NCAPH: variants seen among roughly 807,000 people sequenced by gnomAD.
NCAPH encodes non-SMC condensin I complex subunit H.
NCAPH carries 38 observed loss-of-function variants against 85.5 expected under a neutral mutation model. That is an observed-to-expected ratio of 0.44 (90% CI 0.34 to 0.58). The LOEUF (loss-of-function observed/expected upper bound fraction) is 0.58. Among genes scored for constraint, NCAPH ranks in the 20% least tolerant of loss-of-function variants. The pLI is 0.01. For synonymous variants in NCAPH, 301 were observed against 335.1 expected (o/e 0.90, Z 1.11); for missense variants, 789 against 916.6 (o/e 0.86, Z 1.80).
intron 5 of NCAPH, among the ~76,000 whole-genome samples, 176 bp downstream of exon 5, chr2:96,343,480 T>C (rs1008786213): frequency 2.0e-5 from 3 of 152,324 alleles, no homozygotes; most frequent in South Asian, 4.1e-4. Flanking sequence ...ACTAAAATTA[T>C]ATTTCCTTGA....
In NCAPH at chr2:96,341,996, A is replaced by T. The variant is rs976812304; in HGVS notation, c.273-54A>T. 15 of 1,605,170 alleles carry T rather than the reference A, an allele frequency of 9.3e-6. No homozygotes were observed. The African/African-American group carries it at 2.0e-4, about 22-fold the overall frequency. The stretch of plus-strand genomic sequence containing the variant: ...AACTTCATGGGTCTAGGTTTTGAAA[A>T]TTTAAACTATCATGGATTCTTGCCA... On this transcript the variant is annotated intron_variant, in intron 2 of 17. Transcript: ENST00000240423.
intron 16 of NCAPH, 122 bp from the exon 17 acceptor site, chr2:96,369,303 G>T: frequency 3.3e-6 from 3 of 916,492 alleles, no homozygotes; most frequent in African/African-American, 1.7e-5. Context: ...CTTATAAAAT[G>T]CATCTGAAAG....
chr2:96,341,164 A>C (rs6708242), intron 1 of NCAPH, among the ~76,000 whole-genome samples: 3,628 of 152,130 alleles, frequency 0.024, 138 homozygotes, highest in African/African-American at 0.084. Context: ...GGAACATTCT[A>C]TTTGTTTTAC....
chr2:96,337,973 C>T (rs1390353068), intron 1 of NCAPH, among the ~76,000 whole-genome samples: 4 of 151,868 alleles, frequency 2.6e-5, no homozygotes, highest in Non-Finnish European at 5.9e-5. Context: ...GTCCCCCAGG[C>T]TGGAGTGCAG....
At chr2:96,368,653 C>A (rs1476900500) in intron 15 of NCAPH, among the ~76,000 whole-genome samples, 2 of 151,668 alleles carry the variant, frequency 1.3e-5, no homozygotes, top group African/African-American at 4.8e-5. Flanking sequence ...GAGACTCCGT[C>A]TCAAAAAAAA....
chr2:96,336,039 G>A (rs926662830), intron 1 of NCAPH, among the ~76,000 whole-genome samples, 191 bp downstream of exon 1: 1 of 152,108 alleles, frequency 6.6e-6, no homozygotes, highest in Non-Finnish European at 1.5e-5. Flanking sequence ...GACCTTGTGC[G>A]CTCAGCCAAT....
In NCAPH at chr2:96,344,815, T is replaced by TA. The variant is rs778137261; in HGVS notation, c.720+587dup. On this transcript the variant is annotated intron_variant, in intron 6 of 17. Coordinates refer to ENST00000240423, the MANE Select transcript of NCAPH (RefSeq NM_015341.5). ...CAGTTAATTTAAAGCAAACAGGTGTTACTACAATTTTATTTTTTAATTCTG... is the reference window on the plus strand; with the variant it reads ...CAGTTAATTTAAAGCAAACAGGTGTTAACTACAATTTTATTTTTTAATTCTG... 1.0e-3 allele frequency among the ~76,000 whole-genome samples: 157 copies of TA among 152,362 alleles called. 1 individual carries two copies. Among genetic ancestry groups the TA allele is most frequent in the Non-Finnish European group, 1.6e-3 (108 of 68,040 alleles).
chr2:96,349,115 C>T (rs1048020271), intron 6 of NCAPH, among the ~76,000 whole-genome samples: 2 of 152,142 alleles, frequency 1.3e-5, no homozygotes, highest in African/African-American at 4.8e-5. Context: ...CCTGCATTAG[C>T]TTTTCCCATG....
chr2:96,366,603 G>A (rs893976916), intron 14 of NCAPH, among the ~76,000 whole-genome samples: 1 of 152,196 alleles, frequency 6.6e-6, no homozygotes, highest in Non-Finnish European at 1.5e-5. Context: ...TCTGGGCTGG[G>A]CGTGGTGGCT....
intron 6 of NCAPH, among the ~76,000 whole-genome samples, chr2:96,348,558 A>G (rs2064392850): frequency 6.6e-6 from 1 of 152,040 alleles, no homozygotes; most frequent in Non-Finnish European, 1.5e-5. Context: ...TATTAGTCAT[A>G]GGGATCCAGA....
chr2:96,359,900 G>A (rs1433979274), intron 10 of NCAPH, among the ~76,000 whole-genome samples: 1 of 152,222 alleles, frequency 6.6e-6, no homozygotes. Context: ...TGGGATTACA[G>A]GCATGAGCCA....
At chr2:96,352,134 AGTTT>A in intron 7 of NCAPH, 114 bp downstream of exon 7, 1 of 1,128,156 alleles carries the variant, frequency 8.9e-7, no homozygotes, top group Non-Finnish European at 1.3e-6. Context: ...ATTACCCAGA[AGTTT>A]CCTCTGGAAT....
chr2:96,358,764 A>T (rs781289068), intron 9 of NCAPH, among the ~76,000 whole-genome samples: 1 of 152,158 alleles, frequency 6.6e-6, no homozygotes, highest in Admixed American at 6.5e-5. Context: ...CACCGCGCCC[A>T]GCCAAAAGAA....
Position 96,354,122 on chromosome 2 carries a change from C to T in NCAPH, c.1003-61C>T, listed in dbSNP as rs2064487833. The T allele has an allele frequency of 7.3e-6, 11 of 1,501,210 alleles. No homozygotes were observed. The South Asian group carries it at 1.1e-4, about 15-fold the overall frequency. The allele number at this position is 1,501,210 out of a possible 1,614,324, so 93.0% of individuals were successfully genotyped here. On this transcript the variant is annotated intron_variant, in intron 8 of 17. Transcript: ENST00000240423. ...TTTAAGGGTGAGAAGGCTGTCCCTC[C>T]AGTGGTGATTTGGGGTGGTTATAGG...
rs1346734964 is a variant in NCAPH, at chr2:96,377,086, A to C, written c.*3735A>C. Among the ~76,000 whole-genome samples, 1 of 146,994 alleles carries C rather than the reference A, an allele frequency of 6.8e-6. No homozygotes were observed. The highest frequency in any genetic ancestry group is 2.5e-5 in the African/African-American group (1 of 39,752). On this transcript the variant is annotated 3_prime_UTR_variant, in exon 18 of 18. Transcript: ENST00000240423. ...TTAAAAAATAATAAAATTTTAAAAA[A>C]TTGTCTTTATGTTGCCTTTTTTTTT...
chr2:96,335,993 G>T, intron 1 of NCAPH, 145 bp downstream of exon 1: 1 of 812,124 alleles, frequency 1.2e-6, no homozygotes, highest in South Asian at 3.4e-5. Context: ...GCAGAGGCCG[G>T]TGCGGGGGGA....
chr2:96,346,845 G>A (rs2064367763), intron 6 of NCAPH, among the ~76,000 whole-genome samples: 1 of 152,086 alleles, frequency 6.6e-6, no homozygotes. Context: ...GTCTTACTTG[G>A]CTGTCTTGGA....
chr2:96,365,416 C>T (rs1250664982), intron 13 of NCAPH, among the ~76,000 whole-genome samples: 1 of 151,914 alleles, frequency 6.6e-6, no homozygotes, highest in Non-Finnish European at 1.5e-5. Context: ...ACCCCCTGCC[C>T]GAAGATACTG....
intron 12 of NCAPH, among the ~76,000 whole-genome samples, chr2:96,361,644 C>T (rs1372262719): frequency 6.6e-6 from 1 of 151,464 alleles, no homozygotes; most frequent in Non-Finnish European, 1.5e-5. Flanking sequence ...CCATTCCATT[C>T]ACATCCTCTG....
Sources: allele counts gnomAD v4.1 joint callset (sites outside exome capture counted in the v4.1 genomes callset), GRCh38; gene constraint gnomAD v4.1.1; transcripts MANE v1.5; gene names NCBI Gene and HGNC (gene_info 2026-07-23, HGNC 2026-07-21).